TUSC3: variants seen among roughly 807,000 people sequenced by gnomAD.
TUSC3 encodes tumor suppressor candidate 3, also known as dolichyl-diphosphooligosaccharide--protein glycosyltransferase subunit TUSC3.
TUSC3 carries 45 observed loss-of-function variants against 44.8 expected under a neutral mutation model. The observed-to-expected ratio is 1.00, with a 90% CI of 0.79 to 1.29. The LOEUF (loss-of-function observed/expected upper bound fraction) is 1.29, where lower values mean the gene tolerates loss of function less well. TUSC3 is among the 50% of genes most tolerant of loss of function. The pLI is 0.00. For missense variants in TUSC3, 519 were observed against 437.9 expected (o/e 1.19, Z -1.65); for synonymous variants, 212 against 152.9 (o/e 1.39, Z -2.85).
At chr8:15,487,788 C>G (rs1227024279) in intron 2 of TUSC3, among the ~76,000 whole-genome samples, 1 of 152,012 alleles carries the variant, frequency 6.6e-6, no homozygotes, top group Non-Finnish European at 1.5e-5. Flanking sequence ...TAGATGTTTC[C>G]AAGGATCACT....
At position 15,659,526 on chromosome 8, in the gene TUSC3, C is replaced by G; in HGVS notation, c.446C>G (p.Pro149Arg). Reference protein sequence around the residue: ...VFQQLNMNSAPTFMHFPPKGR... With the variant: ...VFQQLNMNSARTFMHFPPKGR... ...TTACAGCTCAACATGAACTCTGCTCCTACATTCATGCATTTTCCTCCAAAA... is the reference window on the plus strand; with the variant it reads ...TTACAGCTCAACATGAACTCTGCTCGTACATTCATGCATTTTCCTCCAAAA... The change falls in exon 4 of 11, where the codon CCT (proline) becomes CGT (arginine). Residue 149 changes from proline (P) to arginine (R), a missense_variant. Coordinates refer to ENST00000503731, the MANE Select transcript of TUSC3 (RefSeq NM_006765.4). The G allele has an allele frequency of 6.2e-7, 1 of 1,612,854 alleles. No individual in the cohort carries two copies. The highest frequency in any genetic ancestry group is 8.5e-7 in the Non-Finnish European group (1 of 1,179,578).
intron 6 of TUSC3, among the ~76,000 whole-genome samples, chr8:15,717,286 A>G (rs1214619275): frequency 6.6e-6 from 1 of 152,138 alleles, no homozygotes. Context: ...TTTATCAGTA[A>G]GACGAAACAT....
chr8:15,522,786 C>T (rs1419042678), intron 2 of TUSC3, among the ~76,000 whole-genome samples: 2 of 152,070 alleles, frequency 1.3e-5, no homozygotes, highest in Non-Finnish European at 1.5e-5. Context: ...AAAGGAAGCT[C>T]CTTTTCTCTA....
intron 1 of TUSC3, among the ~76,000 whole-genome samples, chr8:15,468,285 T>C (rs1213196388): frequency 6.6e-6 from 1 of 152,194 alleles, no homozygotes; most frequent in Non-Finnish European, 1.5e-5. Context: ...AATTGCGTTT[T>C]CTAAGAAATA....
At chr8:15,595,497 G>A (rs1385432091) in intron 1 of TUSC3, among the ~76,000 whole-genome samples, 4 of 152,128 alleles carry the variant, frequency 2.6e-5, no homozygotes, top group Non-Finnish European at 5.9e-5. Flanking sequence ...TTTGTTCCCT[G>A]TCTCTTAGGC....
chr8:15,635,115 C>T (rs1222000531), intron 2 of TUSC3, among the ~76,000 whole-genome samples: 1 of 151,990 alleles, frequency 6.6e-6, no homozygotes, highest in Non-Finnish European at 1.5e-5. Flanking sequence ...GTTGAGTTTC[C>T]TCAAGGTAAC....
intron 1 of TUSC3, among the ~76,000 whole-genome samples, chr8:15,572,023 G>C (rs550946419): frequency 4.5e-4 from 68 of 152,044 alleles, no homozygotes; most frequent in Non-Finnish European, 9.6e-4. Flanking sequence ...TAGGCTTTTC[G>C]GAATGGTAAA....
chr8:15,754,972 ATTG>A (rs528161119), intron 9 of TUSC3, among the ~76,000 whole-genome samples: 5 of 152,176 alleles, frequency 3.3e-5, no homozygotes, highest in African/African-American at 7.2e-5. Flanking sequence ...TACTTTCAAA[ATTG>A]TTGTTTTCTT....
chr8:15,729,508 A>G (rs1322517601), intron 6 of TUSC3, among the ~76,000 whole-genome samples: 5 of 152,198 alleles, frequency 3.3e-5, no homozygotes, highest in Admixed American at 3.3e-4. Flanking sequence ...AATGTGGTAC[A>G]TATACACCAT....
intron 1 of TUSC3, among the ~76,000 whole-genome samples, chr8:15,565,400 A>G (rs1251113383): frequency 1.3e-5 from 2 of 152,142 alleles, no homozygotes; most frequent in East Asian, 1.9e-4. Flanking sequence ...CAGGTAAGGT[A>G]ACAATTAACC....
At chr8:15,418,231 A>G (rs1333336565) in intron 1 of TUSC3, among the ~76,000 whole-genome samples, 1 of 152,216 alleles carries the variant, frequency 6.6e-6, no homozygotes, top group Non-Finnish European at 1.5e-5. Flanking sequence ...GTAGCCTATT[A>G]GTAAAATGCA....
intron 1 of TUSC3, among the ~76,000 whole-genome samples, chr8:15,544,545 T>C (rs2129134033): frequency 6.6e-6 from 1 of 151,956 alleles, no homozygotes; most frequent in South Asian, 2.1e-4. Flanking sequence ...CATATTTCAA[T>C]TGCCTTTGAC....
At chr8:15,611,683 A>C (rs184765300) in intron 1 of TUSC3, among the ~76,000 whole-genome samples, 1 of 152,080 alleles carries the variant, frequency 6.6e-6, no homozygotes, top group African/African-American at 2.4e-5. Flanking sequence ...TGTATAGCTC[A>C]TTGTGGTCTT....
At chr8:15,813,038 G>C in the TUSC3 span, among the ~76,000 whole-genome samples, 1 of 152,060 alleles carries the variant, frequency 6.6e-6, no homozygotes, top group East Asian at 1.9e-4. Flanking sequence ...AGGATGCAGT[G>C]AGCTGAGATC....
At chr8:15,568,503 T>A (rs181500383) in intron 1 of TUSC3, among the ~76,000 whole-genome samples, 36 of 152,314 alleles carry the variant, frequency 2.4e-4, no homozygotes, top group Admixed American at 9.1e-4. Context: ...ATTAGGCTTA[T>A]GTCATTTGTG....
At chr8:15,683,152 C>A (rs1414847339) in intron 6 of TUSC3, among the ~76,000 whole-genome samples, 1 of 152,144 alleles carries the variant, frequency 6.6e-6, no homozygotes, top group Non-Finnish European at 1.5e-5. Flanking sequence ...TGGGTAGTTT[C>A]TTGCAGGGAA....
At chr8:15,545,797 T>C (rs972790670) in intron 1 of TUSC3, among the ~76,000 whole-genome samples, 1 of 151,758 alleles carries the variant, frequency 6.6e-6, no homozygotes, top group African/African-American at 2.4e-5. Context: ...ATTTCCCTCT[T>C]TAGCCCTACA....
At chr8:15,544,391 C>T (rs912726413) in intron 1 of TUSC3, among the ~76,000 whole-genome samples, 9 of 151,610 alleles carry the variant, frequency 5.9e-5, no homozygotes, top group African/African-American at 2.2e-4. Context: ...TCATCAAAAG[C>T]AGCTGTTATA....
chr8:15,669,793 C>G (rs1474338479), intron 5 of TUSC3, among the ~76,000 whole-genome samples: 1 of 151,660 alleles, frequency 6.6e-6, no homozygotes, highest in Non-Finnish European at 1.5e-5. Flanking sequence ...AAGATGCCTG[C>G]TCTTGAGTAT....
Sources: allele counts gnomAD v4.1 joint callset (sites outside exome capture counted in the v4.1 genomes callset), GRCh38; gene constraint gnomAD v4.1.1; transcripts MANE v1.5; gene names NCBI Gene and HGNC (gene_info 2026-07-23, HGNC 2026-07-21).